TMEM150C: variants seen among roughly 807,000 people sequenced by gnomAD.
TMEM150C encodes the protein tentonin 3.
TMEM150C carries 10 observed loss-of-function variants against 29.9 expected under a neutral mutation model. The ratio of observed to expected loss-of-function variants is 0.33; its 90% CI spans 0.21 to 0.57. TMEM150C has a LOEUF of 0.57. TMEM150C is among the 20% of genes least tolerant of loss of function. The probability of loss-of-function intolerance (pLI) is 0.88; values close to 1 mark genes in which losing one functional copy is unlikely to be tolerated. For synonymous variants in TMEM150C, 101 were observed against 112.5 expected (o/e 0.90, Z 0.64); for missense variants, 251 against 303.6 (o/e 0.83, Z 1.29).
At chr4:82,559,929 T>C (rs915639947) in intron 1 of TMEM150C, among the ~76,000 whole-genome samples, 4 of 152,126 alleles carry the variant, frequency 2.6e-5, no homozygotes, top group African/African-American at 9.7e-5. Context: ...TCTGACCCAC[T>C]GTACTAAAGA....
chr4:82,503,086 T>G lies in TMEM150C; in HGVS notation c.107A>C (p.Lys36Thr), dbSNP rs1338337392. ...TTCAGCTGAATTTAATGGTAAAATT[T>G]TGTCATCTTCCACAGCTATGAAGTA... ...IVYFIAVEDDKILPLNSAERK... is the reference protein window; with the variant it reads ...IVYFIAVEDDTILPLNSAERK... The change falls in exon 3 of 8, where the codon AAA becomes ACA. Residue 36 changes from lysine to threonine, a missense_variant. Transcript: ENST00000449862. The G allele has an allele frequency of 1.2e-6, 2 of 1,612,272 alleles. No individual in the cohort carries two copies. Among genetic ancestry groups the G allele is most frequent in the Non-Finnish European group, 1.7e-6 (2 of 1,179,082 alleles).
intron 1 of TMEM150C, among the ~76,000 whole-genome samples, chr4:82,526,265 T>C (rs575024525): frequency 6.6e-6 from 1 of 152,338 alleles, no homozygotes; most frequent in East Asian, 1.9e-4. Context: ...GATGAGGAGA[T>C]AAGGACAACT....
intron 7 of TMEM150C, among the ~76,000 whole-genome samples, chr4:82,487,372 C>T (rs1391664637): frequency 2.6e-5 from 4 of 152,062 alleles, no homozygotes; most frequent in African/African-American, 9.7e-5. Flanking sequence ...TGGCTTGAAC[C>T]CAGGAGGTGG....
chr4:82,547,399 G>A (rs920727346), intron 1 of TMEM150C, among the ~76,000 whole-genome samples: 1 of 151,980 alleles, frequency 6.6e-6, no homozygotes, highest in Non-Finnish European at 1.5e-5. Flanking sequence ...GACCAGTCTG[G>A]CCAATATGGT....
intron 1 of TMEM150C, among the ~76,000 whole-genome samples, chr4:82,544,358 AG>A (rs1478253904): frequency 1.6e-4 from 25 of 152,234 alleles, no homozygotes; most frequent in African/African-American, 6.0e-4. Context: ...GTTTGATAAC[AG>A]GGAACTAGCA....
intron 5 of TMEM150C, among the ~76,000 whole-genome samples, chr4:82,499,552 T>C (rs1246365399): frequency 1.3e-5 from 2 of 151,844 alleles, no homozygotes; most frequent in Non-Finnish European, 2.9e-5. Flanking sequence ...AGAAACCCCA[T>C]CTCTACTAGA....
At chr4:82,506,388 A>G (rs1390112669) in intron 1 of TMEM150C, among the ~76,000 whole-genome samples, 1 of 152,252 alleles carries the variant, frequency 6.6e-6, no homozygotes, top group Non-Finnish European at 1.5e-5. Context: ...GCCTTTGTCT[A>G]AACACATATC....
chr4:82,514,785 G>A (rs1215706614), intron 1 of TMEM150C, among the ~76,000 whole-genome samples: 1 of 152,098 alleles, frequency 6.6e-6, no homozygotes, highest in East Asian at 1.9e-4. Context: ...CATTTCCTAT[G>A]AACCGGGACA....
chr4:82,495,317 C>T (rs112885237), intron 6 of TMEM150C: 19 of 207,252 alleles, frequency 9.2e-5, no homozygotes, highest in East Asian at 3.2e-4. Context: ...TGGCATTCCC[C>T]GTGGTCCCAG....
intron 1 of TMEM150C, among the ~76,000 whole-genome samples, chr4:82,518,008 A>C (rs6535351): frequency 0.21 from 32,500 of 151,916 alleles, 4,057 homozygotes; most frequent in African/African-American, 0.36. Context: ...CAGAGACTAA[A>C]AAATATTCTC....
chr4:82,494,875 G>T, intron 6 of TMEM150C: 1 of 501,872 alleles, frequency 2.0e-6, no homozygotes, highest in Non-Finnish European at 3.9e-6. Context: ...GCAGAAGCTC[G>T]CAGAGAGGAA....
At chr4:82,534,024 C>G (rs1724931788) in intron 1 of TMEM150C, among the ~76,000 whole-genome samples, 1 of 152,132 alleles carries the variant, frequency 6.6e-6, no homozygotes, top group Non-Finnish European at 1.5e-5. Flanking sequence ...TTCTGCCAGA[C>G]AAGCTACATT....
In TMEM150C at chr4:82,496,059, A is replaced by T; in HGVS notation, c.363+9T>A. The T allele has an allele frequency of 1.2e-6, 2 of 1,613,960 alleles. No homozygotes were observed. The highest frequency in any genetic ancestry group is 1.7e-6 in the Non-Finnish European group (2 of 1,179,850). On this transcript the variant is annotated intron_variant, in intron 6 of 7. Transcript: ENST00000449862. ...GTCAGAGGGAGGTGAAAAAGGCCAA[A>T]TCAAGTACCTGAAAATTACCAAGTA...
At chr4:82,555,198 T>C (rs1725700832) in intron 1 of TMEM150C, among the ~76,000 whole-genome samples, 1 of 152,244 alleles carries the variant, frequency 6.6e-6, no homozygotes, top group African/African-American at 2.4e-5. Context: ...TAAAACAACA[T>C]TGTTTTCTAT....
At chr4:82,535,162 G>A (rs879117732) in intron 1 of TMEM150C, among the ~76,000 whole-genome samples, 4 of 152,138 alleles carry the variant, frequency 2.6e-5, no homozygotes, top group Admixed American at 1.3e-4. Flanking sequence ...ACCACAAACT[G>A]GGTAATTTAT....
At chr4:82,518,726 T>C (rs1724378180) in intron 1 of TMEM150C, among the ~76,000 whole-genome samples, 1 of 152,232 alleles carries the variant, frequency 6.6e-6, no homozygotes, top group Non-Finnish European at 1.5e-5. Flanking sequence ...ATGGGCACTG[T>C]TGTACCTTTC....
chr4:82,489,933 T>A (rs1723277640), intron 7 of TMEM150C, 128 bp downstream of exon 7: 4 of 909,570 alleles, frequency 4.4e-6, no homozygotes, highest in Non-Finnish European at 6.6e-6. Flanking sequence ...TTTTTATACC[T>A]GTTTACCTTT....
intron 1 of TMEM150C, among the ~76,000 whole-genome samples, chr4:82,525,882 G>GA (rs1343503434): frequency 9.8e-4 from 142 of 144,424 alleles, no homozygotes; most frequent in East Asian, 4.6e-3. Flanking sequence ...TTAGGCAAAA[G>GA]AAAAAAAAAA....
chr4:82,561,761 C>CCCGCAGCCGGGCGGACCCAGCCG, intron 1 of TMEM150C, 145 bp downstream of exon 1: 1 of 538,282 alleles, frequency 1.9e-6, no homozygotes, highest in Non-Finnish European at 2.4e-6. Context: ...CGAGCAGGGC[C>CCCGCAGCCGGGCGGACCCAGCCG]CCGCAGCCGG....
Sources: gnomAD v4.1 joint callset for allele counts (sites outside exome capture counted in the v4.1 genomes callset) on GRCh38, gnomAD v4.1.1 for gene constraint, MANE v1.5 for transcripts, NCBI Gene and HGNC (gene_info 2026-07-23, HGNC 2026-07-21) for gene names.